PLEKHA1: variants seen among roughly 807,000 people sequenced by gnomAD.
PLEKHA1 encodes pleckstrin homology domain-containing family A member 1.
In PLEKHA1, 34 loss-of-function variants were observed where a neutral mutation model predicts 52.0. The ratio of observed to expected loss-of-function variants is 0.65; its 90% CI spans 0.50 to 0.87. PLEKHA1 has a LOEUF of 0.87. PLEKHA1 is among the 40% of genes least tolerant of loss of function. PLEKHA1 has a pLI of 0.00. For missense variants in PLEKHA1, 497 were observed against 504.2 expected (o/e 0.99, Z 0.14); for synonymous variants, 163 against 170.7 (o/e 0.95, Z 0.35).
intron 8 of PLEKHA1, chr10:122,419,187 T>C (rs150258970): frequency 6.6e-6 from 1 of 152,274 alleles, no homozygotes; most frequent in African/African-American, 2.4e-5. Context: ...TGCATACTTG[T>C]ATCATAATGC....
chr10:122,381,367 G>T (rs182571315), intron 1 of PLEKHA1, among the ~76,000 whole-genome samples: 2 of 152,192 alleles, frequency 1.3e-5, no homozygotes, highest in African/African-American at 4.8e-5. Flanking sequence ...ATCTCATGTC[G>T]AATTGTAATC....
At chr10:122,418,091 T>G in intron 8 of PLEKHA1, 123 bp downstream of exon 8, 1 of 642,952 alleles carries the variant, frequency 1.6e-6, no homozygotes, top group South Asian at 3.0e-5. Context: ...TAGAGGTAAA[T>G]ATAGTTTATT....
chr10:122,411,653 G>GA (rs947317936), intron 5 of PLEKHA1: 1 of 152,154 alleles, frequency 6.6e-6, no homozygotes, highest in Non-Finnish European at 1.5e-5. Context: ...CGAAGCAGGG[G>GA]AATCTGAAGT....
chr10:122,411,702 AAGTTTG>A (rs2097108944), intron 5 of PLEKHA1: 6 of 152,126 alleles, frequency 3.9e-5, no homozygotes, highest in Admixed American at 3.9e-4. Flanking sequence ...ATGCACTCTA[AAGTTTG>A]AGAAATCACA....
chr10:122,392,847 T>A (rs1477837531), intron 1 of PLEKHA1, among the ~76,000 whole-genome samples: 1 of 152,222 alleles, frequency 6.6e-6, no homozygotes, highest in African/African-American at 2.4e-5. Context: ...AAGGATAGAT[T>A]ATCTTGATTT....
At chr10:122,425,990 C>A (rs753229182) in intron 10 of PLEKHA1, among the ~76,000 whole-genome samples, 1 of 152,056 alleles carries the variant, frequency 6.6e-6, no homozygotes, top group East Asian at 1.9e-4. Context: ...TAAAAATTAT[C>A]TGAAAACCTT....
chr10:122,401,280 AAG>A (rs972447554), intron 4 of PLEKHA1, among the ~76,000 whole-genome samples: 2 of 152,302 alleles, frequency 1.3e-5, no homozygotes, highest in Admixed American at 6.5e-5. Context: ...GGAGAAGAAA[AAG>A]AGAGCATCTG....
chr10:122,436,763 T>A (rs1188020066), downstream of PLEKHA1: 3 of 151,520 alleles, frequency 2.0e-5, no homozygotes, highest in Non-Finnish European at 2.9e-5. Flanking sequence ...CTTTGGGGGG[T>A]CCCATGAGAG....
At chr10:122,377,457 A>C (rs1193900411) in intron 1 of PLEKHA1, among the ~76,000 whole-genome samples, 1 of 152,204 alleles carries the variant, frequency 6.6e-6, no homozygotes, top group Non-Finnish European at 1.5e-5. Context: ...ATAGGAGTTA[A>C]ATATTAAGAT....
At chr10:122,427,061 C>T (rs759152323) in intron 11 of PLEKHA1, 30 bp downstream of exon 11, 208 of 1,564,844 alleles carry the variant, frequency 1.3e-4, no homozygotes, top group Non-Finnish European at 1.8e-4. Context: ...GGGTGATACT[C>T]CCTTGCGTCT....
At chr10:122,397,136 C>A (rs930752501) in intron 2 of PLEKHA1, among the ~76,000 whole-genome samples, 5 of 152,064 alleles carry the variant, frequency 3.3e-5, no homozygotes, top group African/African-American at 1.2e-4. Flanking sequence ...CAGAGCTGTG[C>A]ATCTTCCATT....
At chr10:122,432,514 C>T (rs554846810), downstream of PLEKHA1, 1 of 151,966 alleles carries the variant, frequency 6.6e-6, no homozygotes, top group African/African-American at 2.4e-5. Context: ...ATTCTTAATG[C>T]ATCCCTGCAT....
intron 1 of PLEKHA1, chr10:122,386,894 G>A (rs556741613): frequency 1.3e-5 from 2 of 152,210 alleles, no homozygotes; most frequent in South Asian, 4.2e-4. Flanking sequence ...AGTAGAAATA[G>A]GTACTTCAGA....
chr10:122,433,421 A>T (rs1203258713), downstream of PLEKHA1: 1 of 152,212 alleles, frequency 6.6e-6, no homozygotes, highest in Non-Finnish European at 1.5e-5. Context: ...CATCATTAGG[A>T]TCTGTGCCCA....
At chr10:122,422,539 C>T (rs1012898609) in intron 8 of PLEKHA1, 5 of 152,150 alleles carry the variant, frequency 3.3e-5, no homozygotes, top group African/African-American at 4.8e-5. Flanking sequence ...AATCTCAGCA[C>T]GAATAACAGG....
chr10:122,399,802 G>A (rs1260585372), intron 3 of PLEKHA1, among the ~76,000 whole-genome samples: 5 of 151,998 alleles, frequency 3.3e-5, no homozygotes, highest in East Asian at 1.9e-4. Context: ...GGCCAGGATG[G>A]TCTTGATCTC....
chr10:122,375,343 C>T, intron 1 of PLEKHA1, among the ~76,000 whole-genome samples: 1 of 152,242 alleles, frequency 6.6e-6, no homozygotes, highest in East Asian at 1.9e-4. Flanking sequence ...GGCTTCAGGA[C>T]TTGCCGAGGC....
chr10:122,436,417 G>A (rs2097437759), downstream of PLEKHA1: 1 of 152,162 alleles, frequency 6.6e-6, no homozygotes, highest in African/African-American at 2.4e-5. Flanking sequence ...AGAATAAATA[G>A]TAAGTAACAG....
rs2097415941 is a variant in PLEKHA1, at chr10:122,431,417, GC to G, written c.*1482del. On this transcript the variant is annotated 3_prime_UTR_variant, in exon 12 of 12. Transcript: ENST00000368990. ...TTACAGGCGTGAGCCACCATGCCCGGCCCATAAGTACCGTTTTTGAGGTTCA... is the reference window on the plus strand; with the variant it reads ...TTACAGGCGTGAGCCACCATGCCCGGCCATAAGTACCGTTTTTGAGGTTCA... 6.6e-6 allele frequency: 1 copy of G among 152,638 alleles called. No individual in the cohort carries two copies. The highest frequency in any genetic ancestry group is 2.4e-5 in the African/African-American group (1 of 41,448). The allele number at this position is 152,638 out of a possible 1,614,324, so 9.5% of individuals were successfully genotyped here.
Sources: gnomAD v4.1 joint callset for allele counts (sites outside exome capture counted in the v4.1 genomes callset) on GRCh38, gnomAD v4.1.1 for gene constraint, MANE v1.5 for transcripts, NCBI Gene and HGNC (gene_info 2026-07-23, HGNC 2026-07-21) for gene names.